Variants in SLC12A2 observed in about 807,000 individuals in gnomAD.
SLC12A2 encodes Na-K-2Cl cotransporter 1.
In SLC12A2, 67 loss-of-function variants were observed where a neutral mutation model predicts 136.3. The observed-to-expected ratio is 0.49, with a 90% CI of 0.40 to 0.60. The LOEUF (loss-of-function observed/expected upper bound fraction) is 0.60, where lower values mean the gene tolerates loss of function less well. Among genes scored for constraint, SLC12A2 ranks in the 20% least tolerant of loss-of-function variants. SLC12A2 has a pLI of 0.00. For synonymous variants in SLC12A2, 619 were observed against 562.9 expected (o/e 1.10, Z -1.41); for missense variants, 1,322 against 1,534.7 (o/e 0.86, Z 2.32).
intron 20 of SLC12A2, among the ~76,000 whole-genome samples, chr5:128,175,247 G>A (rs982775152): frequency 1.4e-4 from 21 of 152,000 alleles, no homozygotes; most frequent in African/African-American, 4.8e-4. Flanking sequence ...TGTAACCTTG[G>A]ACCAATCATG....
intron 1 of SLC12A2, among the ~76,000 whole-genome samples, chr5:128,088,410 T>C (rs1299614886): frequency 6.6e-6 from 1 of 151,816 alleles, no homozygotes. Flanking sequence ...AAATAAAAGG[T>C]GGAGGGTAAC....
chr5:128,179,225 A>G (rs1184338095), intron 22 of SLC12A2, among the ~76,000 whole-genome samples: 2 of 152,224 alleles, frequency 1.3e-5, no homozygotes, highest in Non-Finnish European at 2.9e-5. Context: ...TAAATACACT[A>G]TTCTTGCAGC....
chr5:128,165,080 A>G (rs1030604207), intron 17 of SLC12A2, among the ~76,000 whole-genome samples: 3 of 151,954 alleles, frequency 2.0e-5, no homozygotes, highest in Non-Finnish European at 4.4e-5. Context: ...GAGCTTGAAC[A>G]ATCCTCCTAC....
chr5:128,086,002 C>T (rs71587963), intron 1 of SLC12A2, among the ~76,000 whole-genome samples: 16,250 of 152,124 alleles, frequency 0.11, 1,224 homozygotes, highest in Non-Finnish European at 0.16. Context: ...CAAGTCTATT[C>T]TTTTTTCTTT....
chr5:128,159,576 A>G (rs981757972), intron 16 of SLC12A2, among the ~76,000 whole-genome samples: 15 of 152,208 alleles, frequency 9.9e-5, no homozygotes, highest in African/African-American at 3.4e-4. Context: ...CCACCCTGTC[A>G]AAAAGTGGGC....
At chr5:128,180,488 C>A (rs772289612) in intron 22 of SLC12A2, among the ~76,000 whole-genome samples, 2 of 152,180 alleles carry the variant, frequency 1.3e-5, no homozygotes, top group African/African-American at 2.4e-5. Flanking sequence ...GAGCCAGGAA[C>A]TCCTTGTGTG....
intron 4 of SLC12A2, among the ~76,000 whole-genome samples, chr5:128,126,966 A>ATATATATATATATAATTTTTT: frequency 4.7e-5 from 1 of 21,158 alleles, no homozygotes; most frequent in African/African-American, 2.5e-4. Context: ...ATATATATAT[A>ATATATATATATATAATTTTTT]TTTTTTTTTT....
intron 26 of SLC12A2, among the ~76,000 whole-genome samples, 178 bp downstream of exon 26, chr5:128,185,034 T>C (rs1235203008): frequency 6.6e-6 from 1 of 152,184 alleles, no homozygotes; most frequent in African/African-American, 2.4e-5. Context: ...ACAAAAACTT[T>C]AACCTTATGC....
chr5:128,143,743 T>G (rs996698807), intron 10 of SLC12A2, among the ~76,000 whole-genome samples: 2 of 151,768 alleles, frequency 1.3e-5, no homozygotes, highest in African/African-American at 4.8e-5. Flanking sequence ...AAAAGAAAAA[T>G]AAAAATTTTG....
intron 5 of SLC12A2, among the ~76,000 whole-genome samples, chr5:128,131,820 A>T (rs1469477054): frequency 1.3e-5 from 2 of 152,160 alleles, no homozygotes; most frequent in Non-Finnish European, 2.9e-5. Flanking sequence ...ACCCTGACCA[A>T]CGTGGAGAAA....
rs1225391685 is a variant in SLC12A2, at chr5:128,114,452, T to C, written c.953-134T>C. ...TTTTTCATAATTCTGATTTGGTTTT[T>C]ATAAAATGAGATCAAAATTGGGTAA... On this transcript the variant is annotated intron_variant, in intron 3 of 26. Coordinates refer to ENST00000262461, the MANE Select transcript of SLC12A2 (RefSeq NM_001046.3). 4 of 839,166 alleles carry C rather than the reference T, an allele frequency of 4.8e-6. No homozygotes were observed. In the African/African-American group the frequency reaches 6.9e-5, roughly 14 times the overall value. The allele number at this position is 839,166 out of a possible 1,614,324, so 52.0% of individuals were successfully genotyped here.
At chr5:128,105,860 A>T (rs898029592) in intron 1 of SLC12A2, among the ~76,000 whole-genome samples, 1 of 151,992 alleles carries the variant, frequency 6.6e-6, no homozygotes, top group Non-Finnish European at 1.5e-5. Context: ...TAGCTTCTTT[A>T]CCTACTAGCT....
intron 3 of SLC12A2, 129 bp from the exon 4 acceptor site, chr5:128,114,457 A>C: frequency 1.2e-6 from 1 of 830,508 alleles, no homozygotes; most frequent in Non-Finnish European, 1.9e-6. Flanking sequence ...GTTTTTATAA[A>C]ATGAGATCAA....
At chr5:128,120,749 A>G (rs1761535811) in intron 4 of SLC12A2, among the ~76,000 whole-genome samples, 2 of 152,050 alleles carry the variant, frequency 1.3e-5, no homozygotes, top group Non-Finnish European at 2.9e-5. Context: ...TAGGAGATAC[A>G]CCTAATGCTA....
intron 4 of SLC12A2, among the ~76,000 whole-genome samples, chr5:128,119,369 A>G (rs1165835744): frequency 1.3e-5 from 2 of 152,236 alleles, no homozygotes; most frequent in Non-Finnish European, 2.9e-5. Flanking sequence ...TTTTAATTCA[A>G]AGAGCCCCAT....
At chr5:128,186,238 G>C (rs1231615381) in intron 26 of SLC12A2, among the ~76,000 whole-genome samples, 1 of 152,100 alleles carries the variant, frequency 6.6e-6, no homozygotes, top group Non-Finnish European at 1.5e-5. Flanking sequence ...ATCTAGGTTT[G>C]TGTAAGTACT....
At chr5:128,147,270 C>G (rs1435713134) in intron 10 of SLC12A2, among the ~76,000 whole-genome samples, 1 of 151,498 alleles carries the variant, frequency 6.6e-6, no homozygotes, top group East Asian at 1.9e-4. Flanking sequence ...GAGATACGTA[C>G]TGACATATTT....
In SLC12A2 at chr5:128,149,906, A is replaced by G. The variant is rs878972803; in HGVS notation, c.2006-91A>G. On this transcript the variant is annotated intron_variant, in intron 12 of 26. Coordinates refer to ENST00000262461, the MANE Select transcript of SLC12A2 (RefSeq NM_001046.3). ...AGCTGGATGGTGGTTATGGGGTGTT[A>G]CGTTGTTATCTAAAGATTTGAAATA... 3.5e-6 allele frequency: 3 copies of G among 855,006 alleles called. No homozygotes were observed. In the Admixed American group the frequency reaches 5.6e-5, roughly 16 times the overall value. The allele number at this position is 855,006 out of a possible 1,614,324, so 53.0% of individuals were successfully genotyped here. A position where few individuals can be genotyped will look rare whatever the true frequency, so the allele number is the denominator to read the frequency against.
At chr5:128,093,537 GT>G (rs1277234412) in intron 1 of SLC12A2, among the ~76,000 whole-genome samples, 1 of 152,120 alleles carries the variant, frequency 6.6e-6, no homozygotes, top group South Asian at 2.1e-4. Context: ...CCCTCTGCCA[GT>G]GTGTGCTATA....
Sources: gnomAD v4.1 joint callset for allele counts (sites outside exome capture counted in the v4.1 genomes callset) on GRCh38, gnomAD v4.1.1 for gene constraint, MANE v1.5 for transcripts, NCBI Gene and HGNC (gene_info 2026-07-23, HGNC 2026-07-21) for gene names.